Variants in AKAP8 observed in about 807,000 individuals in gnomAD.
The protein encoded by AKAP8 is A-kinase anchor protein 8.
In AKAP8, 24 loss-of-function variants were observed where a neutral mutation model predicts 67.5. The observed-to-expected ratio is 0.36, with a 90% CI of 0.26 to 0.50. The LOEUF (loss-of-function observed/expected upper bound fraction) is 0.50. Among genes scored for constraint, AKAP8 ranks in the 20% least tolerant of loss-of-function variants. AKAP8 has a pLI of 0.97. For synonymous variants in AKAP8, 400 were observed against 371.1 expected (o/e 1.08, Z -0.90); for missense variants, 971 against 955.9 (o/e 1.02, Z -0.21).
In AKAP8 at chr19:15,369,940, C is replaced by T. The variant is rs1399513629; in HGVS notation, c.1072+206G>A. Among the ~76,000 whole-genome samples the T allele has an allele frequency of 6.6e-6, 1 of 152,210 alleles. No individual in the cohort carries two copies. The highest frequency in any genetic ancestry group is 2.1e-4 in the South Asian group (1 of 4,828). On this transcript the variant is annotated intron_variant, in intron 8 of 13. Coordinates refer to ENST00000269701, the MANE Select transcript of AKAP8 (RefSeq NM_005858.4). The surrounding 1 kb of genome is among the most constrained non-coding windows in gnomAD (Gnocchi z 4.6). ...CCACATCGGGTCAGGCAGACAGACC[C>T]GTTTCCAGTAAATGCTGCCCCAGAC... is the stretch of plus-strand genomic sequence containing the variant.
At chr19:15,365,619 G>A (rs1333900042) in intron 9 of AKAP8, among the ~76,000 whole-genome samples, 2 of 152,212 alleles carry the variant, frequency 1.3e-5, no homozygotes, top group Non-Finnish European at 1.5e-5. Context: ...GCGGGGAGGG[G>A]ACAATCTCCC....
Position 15,355,027 on chromosome 19 carries a change from A to G in AKAP8, c.1967T>C (p.Met656Thr). Reference sequence around the variant, plus strand: ...TTGGGCACTTTCTGCCTCTGCTGCCATTGTCTCGGCGCCATTTCCAGCCTC... The same window carrying G: ...TTGGGCACTTTCTGCCTCTGCTGCCGTTGTCTCGGCGCCATTTCCAGCCTC... Reference protein sequence around the residue: ...AAEAGNGAETMAAEAESAQTR... With the variant: ...AAEAGNGAETTAAEAESAQTR... The change falls in exon 14 of 14, where the codon ATG becomes ACG. Residue 656 changes from methionine (M) to threonine (T), a missense_variant. This residue lies in a region of AKAP8 where 204 missense variants were observed against 193.0 expected (regional missense o/e 1.06). Coordinates refer to ENST00000269701, the MANE Select transcript of AKAP8 (RefSeq NM_005858.4). The G allele has an allele frequency of 1.2e-6, 2 of 1,614,064 alleles. No individual in the cohort carries two copies. The highest frequency in any genetic ancestry group is 1.7e-6 in the Non-Finnish European group (2 of 1,180,020).
In AKAP8 at chr19:15,355,372, T is replaced by C. The variant is rs2048271499; in HGVS notation, c.1624-2A>G. 6.2e-7 allele frequency: 1 copy of C among 1,609,760 alleles called. No individual in the cohort carries two copies. Among genetic ancestry groups the C allele is most frequent in the Non-Finnish European group, 8.5e-7 (1 of 1,177,934 alleles). On this transcript the variant is annotated splice_acceptor_variant, in intron 13 of 13. Transcript: ENST00000269701. LOFTEE classifies it high-confidence loss of function. ...TTCACTGGTGAAAGGGTCCTCACCC[T>C]GGCCAAAGAGGAAACACCGGTCAGC...
At position 15,358,973 on chromosome 19, in the gene AKAP8, G is replaced by A. The variant is rs762191302; in HGVS notation, c.1617C>T (p.Tyr539=). ...NRHIVKMLEK[Y]LKGEDPFTSE... ...GGTACTTGCAAGCACAAACCTTGAG[G>A]TATTTTTCCAGCATCTTCACTATAT... Residue 539 remains tyrosine, a synonymous_variant, in exon 13 of 14, where the codon TAC becomes TAT. Coordinates refer to ENST00000269701, the MANE Select transcript of AKAP8 (RefSeq NM_005858.4). The A allele has an allele frequency of 2.5e-6, 4 of 1,614,030 alleles. No individual in the cohort carries two copies. Among genetic ancestry groups the A allele is most frequent in the South Asian group, 1.1e-5 (1 of 91,082 alleles).
At chr19:15,362,704 G>A (rs1481357011) in intron 9 of AKAP8, among the ~76,000 whole-genome samples, 3 of 151,326 alleles carry the variant, frequency 2.0e-5, no homozygotes, top group South Asian at 2.1e-4. Context: ...ATCTCGGCTC[G>A]CTACAACCTC....
intron 4 of AKAP8, 138 bp from the exon 5 acceptor site, chr19:15,373,478 C>G: frequency 7.8e-7 from 1 of 1,286,260 alleles, no homozygotes; most frequent in South Asian, 1.6e-5. Context: ...CTGGGATGAC[C>G]AAAACTGACC....
At position 15,373,998 on chromosome 19, in the gene AKAP8, G is replaced by A. The variant is rs374886896; in HGVS notation, c.159C>T (p.Tyr53=). The stretch of plus-strand genomic sequence containing the variant: ...TGGCGGCCTCCCACGAGGCTGGGCC[G>A]TAGCTGTAGGTTGCGCCTGTGGTGA... ...TSVTTGATYS[Y]GPASWEAAKA... The change falls in exon 4 of 14, where the codon TAC becomes TAT. Residue 53 remains tyrosine, a synonymous_variant. Transcript: ENST00000269701. 27 of 1,609,464 alleles carry A rather than the reference G, an allele frequency of 1.7e-5. No individual in the cohort carries two copies. Among genetic ancestry groups the A allele is most frequent in the South Asian group, 1.2e-4 (11 of 90,878 alleles).
At position 15,368,315 on chromosome 19, in the gene AKAP8, C is replaced by T. The variant is rs745444389; in HGVS notation, c.1080G>A (p.Lys360=). The T allele has an allele frequency of 5.6e-6, 9 of 1,613,598 alleles. No homozygotes were observed. Among genetic ancestry groups the T allele is most frequent in the South Asian group, 3.3e-5 (3 of 91,096 alleles). Residue 360 remains lysine (K), a synonymous_variant, in exon 9 of 14, where the codon AAG becomes AAA. Coordinates refer to ENST00000269701, the MANE Select transcript of AKAP8 (RefSeq NM_005858.4). ...LCDSGRQRGE[K]EDEDEDVKKR... Reference sequence around the variant, plus strand: ...TCTTCACATCCTCGTCCTCGTCCTCCTTCTCTCCTGTAACAGACAAGTCCC... The same window carrying T: ...TCTTCACATCCTCGTCCTCGTCCTCTTTCTCTCCTGTAACAGACAAGTCCC...
chr19:15,355,270 G>A lies in AKAP8; in HGVS notation c.1724C>T (p.Ala575Val), dbSNP rs765693748. The A allele has an allele frequency of 7.4e-6, 12 of 1,612,872 alleles. No homozygotes were observed. Among genetic ancestry groups the A allele is most frequent in the Admixed American group, 5.0e-5 (3 of 59,986 alleles). The change falls in exon 14 of 14, where the codon GCG (alanine) becomes GTG (valine). Residue 575 changes from alanine to valine, a missense_variant. Physicochemically the swap from Ala to Val is moderately conservative, Grantham distance 64. This residue lies in a region of AKAP8 where 204 missense variants were observed against 193.0 expected (regional missense o/e 1.06). Coordinates refer to ENST00000269701, the MANE Select transcript of AKAP8 (RefSeq NM_005858.4). ...TGTAATCACCTCTGCTAAGACGTCCGCGGCCACCTCCTCAGGTGTCTCTTT... is the reference window on the plus strand; with the variant it reads ...TGTAATCACCTCTGCTAAGACGTCCACGGCCACCTCCTCAGGTGTCTCTTT... ...DKKETPEEVA[A>V]DVLAEVITAA...
rs952846488 is a variant in AKAP8, at chr19:15,353,978, G to T, written c.*937C>A. 4 of 151,004 alleles carry T rather than the reference G, an allele frequency of 2.6e-5. No individual in the cohort carries two copies. Among genetic ancestry groups the T allele is most frequent in the Non-Finnish European group, 5.9e-5 (4 of 67,860 alleles). 9.4% of individuals were successfully genotyped at this position (151,004 alleles called of 1,614,324 possible). The stretch of plus-strand genomic sequence containing the variant: ...ATACCTTCTATCTATGGCAATTTAT[G>T]TTGGATTATTCCACCTATGGCAATC... On this transcript the variant is annotated 3_prime_UTR_variant, in exon 14 of 14. Coordinates refer to ENST00000269701, the MANE Select transcript of AKAP8 (RefSeq NM_005858.4).
Position 15,360,853 on chromosome 19 carries a change from G to T in AKAP8, c.1522C>A (p.Arg508Ser). The change falls in exon 12 of 14, where the codon CGC (arginine) becomes AGC (serine). Residue 508 changes from arginine to serine, a missense_variant. Arg to Ser is a moderately radical substitution (Grantham distance 110). This residue lies in a region of AKAP8 where 763 missense variants were observed against 745.4 expected (regional missense o/e 1.02). Transcript: ENST00000269701. ...HLHSVDHNHN[R>S]RLAAEQFKKT... ...GTGTGGGGAGGAAGACTCACCCTGC[G>T]GTTGTGATTGTGGTCCACGGAGTGC... The T allele has an allele frequency of 6.2e-7, 1 of 1,612,814 alleles. No individual in the cohort carries two copies.
chr19:15,376,899 C>A, intron 2 of AKAP8, 77 bp downstream of exon 2: 1 of 1,545,726 alleles, frequency 6.5e-7, no homozygotes, highest in Non-Finnish European at 8.8e-7. Flanking sequence ...CTCCCTTGAC[C>A]CAAGTTCAGC....
chr19:15,362,158 C>A lies in AKAP8; in HGVS notation c.1254G>T (p.Leu418=). ...HLQSKFHKET[L]RFISTKLPDK... ...CGGGCAGCTTGGTGCTTATGAACCGCAGGGTCTCTTTGTGAAATTTGCTTT... is the reference window on the plus strand; with the variant it reads ...CGGGCAGCTTGGTGCTTATGAACCGAAGGGTCTCTTTGTGAAATTTGCTTT... Residue 418 remains leucine (L), a synonymous_variant, in exon 10 of 14, where the codon CTG becomes CTT. Transcript: ENST00000269701. The A allele has an allele frequency of 6.2e-7, 1 of 1,614,150 alleles. No homozygotes were observed. The highest frequency in any genetic ancestry group is 2.2e-5 in the East Asian group (1 of 44,872).
chr19:15,358,716 G>T (rs776243038), intron 13 of AKAP8, among the ~76,000 whole-genome samples: 4 of 152,050 alleles, frequency 2.6e-5, no homozygotes, highest in African/African-American at 4.8e-5. Context: ...AAACAATCAG[G>T]ATTTTTCATG....
At chr19:15,355,401 G>A (rs1383762262) in intron 13 of AKAP8, 31 bp from the exon 14 acceptor site, 2 of 1,585,412 alleles carry the variant, frequency 1.3e-6, no homozygotes, top group Non-Finnish European at 1.7e-6. Context: ...GGTCAGCGTG[G>A]TGTAAGCAGA....
intron 1 of AKAP8, 49 bp from the exon 2 acceptor site, chr19:15,377,063 C>T (rs375701541): frequency 7.2e-5 from 115 of 1,596,192 alleles, no homozygotes; most frequent in Non-Finnish European, 8.9e-5. Flanking sequence ...CACCAGAGAA[C>T]GGGTCCTTTT....
chr19:15,372,744 C>A, intron 5 of AKAP8, 107 bp downstream of exon 5: 1 of 1,355,136 alleles, frequency 7.4e-7, no homozygotes, highest in South Asian at 1.8e-5. Context: ...AGTCGAACTG[C>A]GCACTTAAAA....
At chr19:15,361,706 C>T in intron 11 of AKAP8, 23 bp downstream of exon 11, 1 of 1,590,890 alleles carries the variant, frequency 6.3e-7, no homozygotes, top group Admixed American at 1.7e-5. Flanking sequence ...CAGGAAAGCA[C>T]TCATCCTGGG....
At chr19:15,366,558 G>C (rs936681614) in intron 9 of AKAP8, among the ~76,000 whole-genome samples, 15 of 151,180 alleles carry the variant, frequency 9.9e-5, no homozygotes, top group Admixed American at 9.9e-4. Context: ...CTGAGATGGA[G>C]TCTTGCTCCG....
Sources: allele counts gnomAD v4.1 joint callset (sites outside exome capture counted in the v4.1 genomes callset), GRCh38; gene constraint gnomAD v4.1.1; regional missense constraint gnomAD v4.1.1; non-coding constraint Gnocchi (gnomAD v3.1); transcripts MANE v1.5; gene names NCBI Gene and HGNC (gene_info 2026-07-23, HGNC 2026-07-21).